The following LILRA1 variants were observed in gnomAD, a reference collection of about 807,000 sequenced individuals.
LILRA1 encodes leukocyte immunoglobulin-like receptor subfamily A member 1.
LILRA1 carries 51 observed loss-of-function variants against 51.6 expected under a neutral mutation model. The observed-to-expected ratio is 0.99, with a 90% confidence interval of 0.79 to 1.25. LILRA1 has a LOEUF of 1.25. Ranked by LOEUF, LILRA1 falls within the 50% of genes most tolerant of loss-of-function variation. LILRA1 has a pLI of 0.00. For missense variants in LILRA1, 660 were observed against 611.7 expected, an observed-to-expected ratio of 1.08 and a Z score of -0.83; for synonymous variants, 305 against 248.4, an observed-to-expected ratio of 1.23 and a Z score of -2.14.
At position 54,596,469 on chromosome 19, in the gene LILRA1, C is replaced by T. The variant is rs369934858; in HGVS notation, c.1239C>T (p.Asp413=). 1 of 1,614,200 alleles carries T rather than the reference C, an allele frequency of 6.2e-7. No individual in the cohort carries two copies. Among genetic ancestry groups the T allele is most frequent in the South Asian group, 1.1e-5 (1 of 91,086 alleles). Residue 413 remains aspartate, a synonymous_variant, in exon 7 of 10, where the codon GAC becomes GAT. Transcript: ENST00000251372. The stretch of plus-strand genomic sequence containing the variant: ...CCTACCTGCTGTCTCACCCCAGTGA[C>T]TCCCTGGAGCTCATGGTCTCAGGTG... ...SNPYLLSHPS[D]SLELMVSGAA... is the part of the protein sequence containing the mutation.
intron 9 of LILRA1, 30 bp from the exon 10 acceptor site, chr19:54,600,669 C>A: frequency 6.2e-7 from 1 of 1,613,572 alleles, no homozygotes; most frequent in Non-Finnish European, 8.5e-7. Flanking sequence ...CTGCCCTGAC[C>A]TCTGTGACCT....
At chr19:54,598,216 A>AAT in intron 7 of LILRA1, among the ~76,000 whole-genome samples, 1 of 152,104 alleles carries the variant, frequency 6.6e-6, no homozygotes, top group African/African-American at 2.4e-5. Flanking sequence ...GCAATACTTC[A>AAT]ATATATAAAT....
Position 54,601,785 on chromosome 19 carries a change from G to T in LILRA1, c.*968G>T, listed in dbSNP as rs1242447104. 6.6e-6 allele frequency: 1 copy of T among 152,256 alleles called. No individual in the cohort carries two copies. Among genetic ancestry groups the T allele is most frequent in the African/African-American group, 2.4e-5 (1 of 41,464 alleles). The allele number at this position is 152,256 out of a possible 1,614,324, so 9.4% of individuals were successfully genotyped here. A position where few individuals can be genotyped will look rare whatever the true frequency, so the allele number is the denominator to read the frequency against. On this transcript the variant is annotated 3_prime_UTR_variant, in exon 10 of 10. Coordinates refer to ENST00000251372, the MANE Select transcript of LILRA1 (RefSeq NM_006863.4). ...ACTCACCTAGGACAGTCAGGCAGAA[G>T]TATGCAAAATGACTGGGGCTGATTC...
At chr19:54,598,894 C>T (rs966806172) in intron 7 of LILRA1, among the ~76,000 whole-genome samples, 16 of 152,144 alleles carry the variant, frequency 1.1e-4, no homozygotes, top group African/African-American at 3.9e-4. Flanking sequence ...CTTCCAGTTT[C>T]AAGCAATTCT....
In LILRA1 at chr19:54,599,269, A is replaced by G; in HGVS notation, c.1295A>G (p.Lys432Arg). 1 of 1,572,654 alleles carries G rather than the reference A, an allele frequency of 6.4e-7. No individual in the cohort carries two copies. ...AAETLSPPQN[K>R]SDSKAGAANT... ...GAGACCCTCAGCCCACCACAAAACA[A>G]GTCCGATTCCAAGGCTGGTGAGTGA... Residue 432 changes from lysine (K) to arginine (R), a missense_variant, in exon 8 of 10, where the codon AAG (lysine) becomes AGG (arginine). Lys to Arg is a conservative substitution (Grantham distance 26). Coordinates refer to ENST00000251372, the MANE Select transcript of LILRA1 (RefSeq NM_006863.4).
rs1232870485 is a variant in LILRA1, at chr19:54,595,177, G to A, written c.436G>A (p.Val146Ile). 1.2e-6 allele frequency: 2 copies of A among 1,614,118 alleles called. No homozygotes were observed. Among genetic ancestry groups the A allele is most frequent in the Admixed American group, 1.7e-5 (1 of 60,016 alleles). The change falls in exon 5 of 10, where the codon GTC becomes ATC. Residue 146 changes from valine (V) to isoleucine (I), a missense_variant. By Grantham distance (29) the Val-to-Ile change is conservative. Coordinates refer to ENST00000251372, the MANE Select transcript of LILRA1 (RefSeq NM_006863.4). ...AGGAGGGAACGTGACCCTCCATTGT[G>A]TCTCACAGGTGGCATTTGGCAGCTT... ...TSGGNVTLHC[V>I]SQVAFGSFIL... is the part of the protein sequence containing the mutation.
At position 54,595,271 on chromosome 19, in the gene LILRA1, G is replaced by T. The variant is rs754964513; in HGVS notation, c.530G>T (p.Trp177Leu). 97 of 1,612,130 alleles carry T rather than the reference G, an allele frequency of 6.0e-5. No homozygotes were observed. Among genetic ancestry groups the T allele is most frequent in the Non-Finnish European group, 8.0e-5 (94 of 1,179,310 alleles). The change falls in exon 5 of 10, where the codon TGG becomes TTG. Residue 177 changes from tryptophan to leucine, a missense_variant. Transcript: ENST00000251372. ...AACTCACAGCCCCGTACCCATGGGT[G>T]GTCCCGGGCCATCTTCTCTGTGGGC... is the stretch of plus-strand genomic sequence containing the variant. ...CLNSQPRTHG[W>L]SRAIFSVGPV...
chr19:54,594,312 T>A (rs375181049), intron 2 of LILRA1, 34 bp downstream of exon 2: 7 of 1,612,914 alleles, frequency 4.3e-6, no homozygotes, highest in South Asian at 3.3e-5. Flanking sequence ...GCTTCTAACC[T>A]AGGAGGGACC....
rs2063153757 is a variant in LILRA1 at position 54,601,032 on chromosome 19, C to A, written c.*215C>A. ...CATGAAGGACCATTAACCTGTGATA[C>A]CTTTCCTCTCTATTAATGTTGACTT... On this transcript the variant is annotated 3_prime_UTR_variant, in exon 10 of 10. Coordinates refer to ENST00000251372, the MANE Select transcript of LILRA1 (RefSeq NM_006863.4). The A allele has an allele frequency of 3.3e-6, 2 of 611,772 alleles. No homozygotes were observed. Among genetic ancestry groups the A allele is most frequent in the East Asian group, 2.8e-5 (1 of 36,008 alleles). The allele number at this position is 611,772 out of a possible 1,614,324, so 37.9% of individuals were successfully genotyped here.
rs369921906 is a variant in LILRA1 at position 54,596,168 on chromosome 19, A to G, written c.959-21A>G. On this transcript the variant is annotated intron_variant, in intron 6 of 9. Transcript: ENST00000251372. ...TCAGAACAAGGTGGGGCAGCCTCTC[A>G]CCCATCCTTCTTCTCTCCAGGACAG... The G allele has an allele frequency of 1.2e-5, 20 of 1,607,770 alleles. No individual in the cohort carries two copies. In the African/African-American group the frequency reaches 1.6e-4, roughly 13 times the overall value.
chr19:54,595,276 C>G lies in LILRA1; in HGVS notation c.535C>G (p.Arg179Gly). Reference sequence around the variant, plus strand: ...ACAGCCCCGTACCCATGGGTGGTCCCGGGCCATCTTCTCTGTGGGCCCCGT... The same window carrying G: ...ACAGCCCCGTACCCATGGGTGGTCCGGGGCCATCTTCTCTGTGGGCCCCGT... ...NSQPRTHGWS[R>G]AIFSVGPVSP... The change falls in exon 5 of 10, where the codon CGG becomes GGG. Residue 179 changes from arginine (R) to glycine (G), a missense_variant. Physicochemically the swap from Arg to Gly is moderately radical, Grantham distance 125. Transcript: ENST00000251372. 1 of 1,612,860 alleles carries G rather than the reference C, an allele frequency of 6.2e-7. No homozygotes were observed. Among genetic ancestry groups the G allele is most frequent in the Admixed American group, 1.7e-5 (1 of 59,960 alleles).
intron 3 of LILRA1, 28 bp downstream of exon 3, chr19:54,594,504 C>T: frequency 6.2e-7 from 1 of 1,613,946 alleles, no homozygotes; most frequent in African/African-American, 1.3e-5. Flanking sequence ...TCTCCCAGGT[C>T]CCTCCTCCTC....
chr19:54,602,014 C>T lies in LILRA1; in HGVS notation c.*1197C>T, dbSNP rs917200883. ...GACAAAGGGAGCAGCTATTTGCCAT[C>T]TACCCTCCAGAATAAAGAAATCTTA... On this transcript the variant is annotated 3_prime_UTR_variant, in exon 10 of 10. Coordinates refer to ENST00000251372, the MANE Select transcript of LILRA1 (RefSeq NM_006863.4). The T allele has an allele frequency of 2.0e-5, 3 of 152,234 alleles. No homozygotes were observed. Among genetic ancestry groups the T allele is most frequent in the African/African-American group, 7.2e-5 (3 of 41,456 alleles). 9.4% of individuals were successfully genotyped at this position (152,234 alleles called of 1,614,324 possible). A position where few individuals can be genotyped will look rare whatever the true frequency, so the allele number is the denominator to read the frequency against.
At chr19:54,594,502 G>C (rs1568537832) in intron 3 of LILRA1, 26 bp downstream of exon 3, 3 of 1,614,040 alleles carry the variant, frequency 1.9e-6, no homozygotes, top group Non-Finnish European at 2.5e-6. Context: ...GCTCTCCCAG[G>C]TCCCTCCTCC....
intron 8 of LILRA1, among the ~76,000 whole-genome samples, chr19:54,600,233 C>G (rs1376444572): frequency 2.0e-5 from 3 of 152,152 alleles, no homozygotes; most frequent in Non-Finnish European, 4.4e-5. Flanking sequence ...GCACAGACAG[C>G]GCACAGGGCT....
In LILRA1 at chr19:54,596,189, G is replaced by C; in HGVS notation, c.959G>C (p.Gly320Ala). The change falls in exon 7 of 10, where the codon GGA becomes GCA. Residue 320 changes from glycine (G) to alanine (A), a missense_variant and splice_region_variant. Gly to Ala is a moderately conservative substitution (Grantham distance 60). Transcript: ENST00000251372. ...TCTCACCCATCCTTCTTCTCTCCAG[G>C]ACAGTTCCGTGGCAGACCCTTCATC... ...PSDPLDILIA[G>A]QFRGRPFISV... The C allele has an allele frequency of 2.5e-6, 4 of 1,613,408 alleles. No individual in the cohort carries two copies. The highest frequency in any genetic ancestry group is 2.2e-5 in the South Asian group (2 of 91,036).
chr19:54,594,576 T>G (rs747051080), intron 3 of LILRA1, 89 bp from the exon 4 acceptor site: 19 of 1,611,282 alleles, frequency 1.2e-5, no homozygotes, highest in Non-Finnish European at 1.6e-5. Flanking sequence ...CTGGACTGAC[T>G]GATGGGGGCA....
chr19:54,599,581 C>G (rs1600276149), intron 8 of LILRA1: 1 of 1,117,380 alleles, frequency 8.9e-7, no homozygotes, highest in Non-Finnish European at 1.1e-6. Context: ...CTCTAATTTA[C>G]TAATACAATT....
At chr19:54,597,833 A>G (rs2063090749) in intron 7 of LILRA1, among the ~76,000 whole-genome samples, 1 of 150,730 alleles carries the variant, frequency 6.6e-6, no homozygotes, top group South Asian at 2.2e-4. Context: ...GAAATGAGTG[A>G]TACACAACAC....
Sources: allele counts gnomAD v4.1 joint callset (sites outside exome capture counted in the v4.1 genomes callset), GRCh38; gene constraint gnomAD v4.1.1; transcripts MANE v1.5; gene names NCBI Gene and HGNC (gene_info 2026-07-23, HGNC 2026-07-21).